Variants in DNMBP observed in about 807,000 individuals in gnomAD.
DNMBP encodes the protein dynamin-binding protein.
In DNMBP, 87 loss-of-function variants were observed where a neutral mutation model predicts 150.0. The ratio of observed to expected loss-of-function variants is 0.58; its 90% CI spans 0.49 to 0.69. The LOEUF (loss-of-function observed/expected upper bound fraction) is 0.69. Among genes scored for constraint, DNMBP ranks in the 30% least tolerant of loss-of-function variants. The probability of loss-of-function intolerance (pLI) is 0.00; values close to 1 mark genes in which losing one functional copy is unlikely to be tolerated. For synonymous variants in DNMBP, 711 were observed against 750.4 expected (o/e 0.95, Z 0.86); for missense variants, 1,774 against 1,949.0 (o/e 0.91, Z 1.69).
At chr10:99,943,899 T>C (rs2040329713) in intron 4 of DNMBP, among the ~76,000 whole-genome samples, 1 of 152,258 alleles carries the variant, frequency 6.6e-6, no homozygotes, top group Admixed American at 6.5e-5. Context: ...TAGTGCATCT[T>C]AGATGCTACC....
At position 99,879,811 on chromosome 10, in the gene DNMBP, C is replaced by G; in HGVS notation, c.4548G>C (p.Gln1516His). Residue 1516 changes from glutamine to histidine, a missense_variant and splice_region_variant, in exon 16 of 17, where the codon CAG becomes CAC. Gln to His is a conservative substitution (Grantham distance 24). Coordinates refer to ENST00000324109, the MANE Select transcript of DNMBP (RefSeq NM_015221.4). The part of the protein sequence containing the change: ...EPDGSEAEGN[Q>H]VYFAVYTFKA... ...AGTGGCAGGCCTCTTACGCACTCAC[C>G]TGGTTGCCTTCTGCCTCACTGCCAT... 6.2e-7 allele frequency: 1 copy of G among 1,613,886 alleles called. No homozygotes were observed. Among genetic ancestry groups the G allele is most frequent in the East Asian group, 2.2e-5 (1 of 44,892 alleles).
intron 3 of DNMBP, among the ~76,000 whole-genome samples, chr10:99,961,150 T>G (rs2804950): frequency 0.046 from 6,753 of 147,750 alleles, 188 homozygotes; most frequent in African/African-American, 0.066. Context: ...TAATGATGAT[T>G]ATTCTTCAAC....
chr10:99,958,119 C>T (rs561233392), intron 3 of DNMBP: 15 of 152,290 alleles, frequency 9.8e-5, no homozygotes, highest in African/African-American at 3.4e-4. Context: ...CAGAGCAAGA[C>T]TCCATCTCAA....
chr10:99,899,526 C>T (rs1362606531), intron 7 of DNMBP, among the ~76,000 whole-genome samples: 1 of 152,010 alleles, frequency 6.6e-6, no homozygotes, highest in African/African-American at 2.4e-5. Flanking sequence ...CGCTTGAACC[C>T]GGGAGGCAGA....
rs1373536239 is a variant in DNMBP, at chr10:99,877,074, G to A, written c.*77C>T. 13 of 1,356,900 alleles carry A rather than the reference G, an allele frequency of 9.6e-6. No homozygotes were observed. Among genetic ancestry groups the A allele is most frequent in the South Asian group, 2.7e-5 (2 of 72,854 alleles). 84.1% of individuals were successfully genotyped at this position (1,356,900 alleles called of 1,614,324 possible). A position where few individuals can be genotyped will look rare whatever the true frequency, so the allele number is the denominator to read the frequency against. On this transcript the variant is annotated 3_prime_UTR_variant, in exon 17 of 17. Transcript: ENST00000324109. ...CAGGGCCTGTGTCTCAGGAGCAGGC[G>A]CCCTCTCGGTGGGCCGCCAGAACCC...
intron 1 of DNMBP, among the ~76,000 whole-genome samples, chr10:99,986,594 C>CAAAAAAAAAAAAAAAAAAAAAAAAAAAA (rs747726572): frequency 1.3e-5 from 1 of 74,152 alleles, no homozygotes; most frequent in African/African-American, 4.8e-5. Context: ...GACTCCGTCT[C>CAAAAAAAAAAAAAAAAAAAAAAAAAAAA]AAAAAAAAAA....
intron 4 of DNMBP, among the ~76,000 whole-genome samples, chr10:99,938,458 C>T (rs1191214040): frequency 2.6e-5 from 4 of 152,158 alleles, no homozygotes; most frequent in Non-Finnish European, 5.9e-5. Flanking sequence ...GCAGGAGAAT[C>T]GCTTGAGCCT....
chr10:99,951,604 C>G (rs1021248581), intron 4 of DNMBP, among the ~76,000 whole-genome samples: 2 of 152,318 alleles, frequency 1.3e-5, no homozygotes, highest in South Asian at 4.1e-4. Flanking sequence ...CAAAGGAGAT[C>G]ATTTTGGAGC....
At chr10:99,953,819 A>AAAAAAAAGAAAAG (rs1229016312) in intron 4 of DNMBP, among the ~76,000 whole-genome samples, 1 of 133,532 alleles carries the variant, frequency 7.5e-6, no homozygotes, top group Non-Finnish European at 1.6e-5. Context: ...GTCTCAAAAA[A>AAAAAAAAGAAAAG]AAAAAGAAAA....
intron 9 of DNMBP, among the ~76,000 whole-genome samples, chr10:99,897,801 T>A (rs1589404142): frequency 6.6e-6 from 1 of 152,114 alleles, no homozygotes; most frequent in East Asian, 1.9e-4. Flanking sequence ...TAATTCCAAC[T>A]ACTTGGGAGG....
chr10:99,990,744 C>T (rs985798076), intron 1 of DNMBP, among the ~76,000 whole-genome samples: 4 of 142,882 alleles, frequency 2.8e-5, no homozygotes, highest in African/African-American at 1.0e-4. Context: ...TATATATGCA[C>T]ATGTATATAC....
chr10:99,921,377 C>A (rs1183355091), intron 4 of DNMBP, among the ~76,000 whole-genome samples: 1 of 152,232 alleles, frequency 6.6e-6, no homozygotes, highest in African/African-American at 2.4e-5. Context: ...CTGATACACA[C>A]ATTCTGGGAC....
chr10:99,950,390 T>C (rs886706652), intron 4 of DNMBP, among the ~76,000 whole-genome samples: 7 of 152,138 alleles, frequency 4.6e-5, no homozygotes, highest in Non-Finnish European at 1.0e-4. Flanking sequence ...GGGGCACTGC[T>C]TAAAAGATAC....
Position 99,974,953 on chromosome 10 carries a change from A to C in DNMBP, c.-10-2819T>G, listed in dbSNP as rs558896568. Among the ~76,000 whole-genome samples the C allele has an allele frequency of 3.1e-4, 47 of 152,230 alleles. 1 individual carries two copies. The South Asian group carries it at 8.1e-3, about 26-fold the overall frequency. On this transcript the variant is annotated intron_variant, in intron 1 of 16. Transcript: ENST00000324109. ...TAATTTTTTTTGTACCTTTTTGTAG[A>C]GACAGGGTTTTACTATGTTGCCCAG... is the stretch of plus-strand genomic sequence containing the variant.
intron 1 of DNMBP, among the ~76,000 whole-genome samples, chr10:99,990,712 CACAT>C (rs1280491509): frequency 1.3e-5 from 2 of 150,444 alleles, no homozygotes; most frequent in East Asian, 3.9e-4. Context: ...CATATATACA[CACAT>C]ATACACACAA....
chr10:99,986,918 G>A lies in DNMBP; in HGVS notation c.-10-14784C>T, dbSNP rs537681676. Among the ~76,000 whole-genome samples, 238 of 152,232 alleles carry A rather than the reference G, an allele frequency of 1.6e-3. 1 individual carries two copies. The highest frequency in any genetic ancestry group is 4.7e-3 in the African/African-American group (196 of 41,540). ...ACCTATAATCCCAGCACTTTGGGAG[G>A]CCGAGGCGGGCGGATCACGAGGTCA... is the stretch of plus-strand genomic sequence containing the variant. On this transcript the variant is annotated intron_variant, in intron 1 of 16. Coordinates refer to ENST00000324109, the MANE Select transcript of DNMBP (RefSeq NM_015221.4).
chr10:99,889,026 GAATAGCAGT>G (rs2039517398), intron 11 of DNMBP, 73 bp from the exon 12 acceptor site: 2 of 1,525,822 alleles, frequency 1.3e-6, no homozygotes, highest in South Asian at 2.5e-5. Context: ...TTCCAAGACT[GAATAGCAGT>G]CTTGGAAAAA....
At chr10:99,953,149 T>C (rs1242652422) in intron 4 of DNMBP, among the ~76,000 whole-genome samples, 3 of 152,228 alleles carry the variant, frequency 2.0e-5, no homozygotes, top group Non-Finnish European at 4.4e-5. Context: ...TTAAGGGAAA[T>C]AATTTGAATT....
intron 4 of DNMBP, among the ~76,000 whole-genome samples, chr10:99,926,459 A>C (rs2040079579): frequency 6.6e-6 from 1 of 152,112 alleles, no homozygotes; most frequent in South Asian, 2.1e-4. Context: ...AAGCAATCAA[A>C]AGCAGGCAGA....
Sources: allele counts gnomAD v4.1 joint callset (sites outside exome capture counted in the v4.1 genomes callset), GRCh38; gene constraint gnomAD v4.1.1; transcripts MANE v1.5; gene names NCBI Gene and HGNC (gene_info 2026-07-23, HGNC 2026-07-21).